Variants in STK32C observed in about 807,000 individuals in gnomAD.
STK32C encodes the protein serine/threonine kinase 32C.
A neutral mutation model predicts 56.5 loss-of-function variants in STK32C; 31 were observed. The observed-to-expected ratio is 0.55, with a 90% confidence interval of 0.41 to 0.74. STK32C has a LOEUF of 0.74. Among genes scored for constraint, STK32C ranks in the 30% least tolerant of loss-of-function variants. STK32C has a pLI of 0.00. For synonymous variants in STK32C, 309 were observed against 289.4 expected (o/e 1.07, Z -0.69); for missense variants, 544 against 676.9 (o/e 0.80, Z 2.18).
chr10:132,284,289 TGGG>T (rs1169142822), intron 1 of STK32C, among the ~76,000 whole-genome samples: 1 of 68,628 alleles, frequency 1.5e-5, no homozygotes, highest in Non-Finnish European at 2.8e-5. Context: ...CAGGTGAGGT[TGGG>T]GGGGGCAGGT....
chr10:132,249,929 T>C (rs779636861), intron 1 of STK32C, among the ~76,000 whole-genome samples: 5 of 152,216 alleles, frequency 3.3e-5, no homozygotes, highest in Non-Finnish European at 5.9e-5. Context: ...AGGTGAGCTC[T>C]CATTCCAGCA....
intron 1 of STK32C, chr10:132,331,379 G>C: frequency 1.3e-6 from 2 of 1,532,808 alleles, no homozygotes; most frequent in Non-Finnish European, 1.8e-6. Context: ...CTCCCCTCCC[G>C]CCCGGTGTCA....
chr10:132,327,250 T>C (rs1051631984), intron 1 of STK32C, among the ~76,000 whole-genome samples: 10 of 152,178 alleles, frequency 6.6e-5, no homozygotes, highest in African/African-American at 2.2e-4. Context: ...TGCACAAGCT[T>C]TCTCTCCTTT....
intron 1 of STK32C, among the ~76,000 whole-genome samples, chr10:132,269,401 C>A (rs1292382934): frequency 6.6e-6 from 1 of 152,182 alleles, no homozygotes; most frequent in Non-Finnish European, 1.5e-5. Flanking sequence ...AGCCTGGATT[C>A]CACTGGCCGC....
At chr10:132,293,263 C>T (rs1033394492) in intron 1 of STK32C, among the ~76,000 whole-genome samples, 17 of 152,232 alleles carry the variant, frequency 1.1e-4, no homozygotes, top group African/African-American at 3.9e-4. Flanking sequence ...AGGCCTGGCG[C>T]CTGGCGGGCT....
chr10:132,302,742 C>G (rs1355492593), intron 1 of STK32C, among the ~76,000 whole-genome samples: 2 of 152,344 alleles, frequency 1.3e-5, no homozygotes, highest in East Asian at 1.9e-4. Context: ...TAGGGCTAAG[C>G]TGACGCTCTG....
At chr10:132,236,290 G>C (rs374907702) in intron 2 of STK32C, among the ~76,000 whole-genome samples, 45 of 152,232 alleles carry the variant, frequency 3.0e-4, no homozygotes, top group African/African-American at 1.1e-3. Context: ...GCGGAGGCCC[G>C]ACTGCCCCGG....
At chr10:132,236,358 G>A (rs1486677851) in intron 2 of STK32C, among the ~76,000 whole-genome samples, 1 of 152,256 alleles carries the variant, frequency 6.6e-6, no homozygotes, top group Non-Finnish European at 1.5e-5. Context: ...GAGGTTCGCA[G>A]AAGGGGGTGA....
At chr10:132,305,819 G>A (rs141050532) in intron 1 of STK32C, among the ~76,000 whole-genome samples, 1 of 152,344 alleles carries the variant, frequency 6.6e-6, no homozygotes, top group East Asian at 1.9e-4. Flanking sequence ...ATTCGGGCCA[G>A]GGCCTAGTCT....
intron 1 of STK32C, among the ~76,000 whole-genome samples, chr10:132,275,127 G>A (rs1178070749): frequency 6.6e-6 from 1 of 152,180 alleles, no homozygotes; most frequent in Non-Finnish European, 1.5e-5. Flanking sequence ...ACTGTCCCTG[G>A]TGCTGCCATC....
At chr10:132,209,527 C>T (rs1301843679) in intron 10 of STK32C, among the ~76,000 whole-genome samples, 1 of 152,252 alleles carries the variant, frequency 6.6e-6, no homozygotes, top group Non-Finnish European at 1.5e-5. Context: ...ATCCTGGAAC[C>T]AGGGCTGTCT....
intron 10 of STK32C, 94 bp from the exon 11 acceptor site, chr10:132,209,195 T>C: frequency 1.7e-6 from 2 of 1,199,134 alleles, no homozygotes. Context: ...CCATCGGGCC[T>C]CCACCTGTGG....
chr10:132,299,825 G>A (rs1229920455), intron 1 of STK32C, among the ~76,000 whole-genome samples: 1 of 152,240 alleles, frequency 6.6e-6, no homozygotes, highest in Non-Finnish European at 1.5e-5. Flanking sequence ...CCAGGACCCC[G>A]AGCCCTGTTA....
At chr10:132,281,889 G>A (rs2065219618) in intron 1 of STK32C, among the ~76,000 whole-genome samples, 2 of 147,124 alleles carry the variant, frequency 1.4e-5, no homozygotes, top group Admixed American at 1.3e-4. Context: ...AGCCCAACCA[G>A]GATGGTGGGG....
At chr10:132,273,379 T>C (rs1028742632) in intron 1 of STK32C, among the ~76,000 whole-genome samples, 1 of 152,200 alleles carries the variant, frequency 6.6e-6, no homozygotes, top group Non-Finnish European at 1.5e-5. Flanking sequence ...ATCACTGCAG[T>C]ACCTCCTCCA....
At chr10:132,220,254 C>T (rs904000728) in intron 10 of STK32C, among the ~76,000 whole-genome samples, 3 of 152,202 alleles carry the variant, frequency 2.0e-5, no homozygotes, top group African/African-American at 4.8e-5. Context: ...CACGCGGCAG[C>T]GAAGCAGGGG....
At chr10:132,217,300 C>T (rs1230384038) in intron 10 of STK32C, among the ~76,000 whole-genome samples, 1 of 152,200 alleles carries the variant, frequency 6.6e-6, no homozygotes. Context: ...TGCATGGGGC[C>T]TGTAGCCCCT....
intron 1 of STK32C, among the ~76,000 whole-genome samples, chr10:132,259,833 C>T (rs2064246558): frequency 6.6e-6 from 1 of 152,236 alleles, no homozygotes; most frequent in East Asian, 1.9e-4. Context: ...CCCTGTGACA[C>T]TCGCTACACA....
chr10:132,242,199 C>T (rs750855380), intron 2 of STK32C, among the ~76,000 whole-genome samples: 2 of 151,802 alleles, frequency 1.3e-5, no homozygotes, highest in Non-Finnish European at 2.9e-5. Context: ...TGGGTGCAGA[C>T]GGCCTTCAAG....
Sources: allele counts gnomAD v4.1 joint callset (sites outside exome capture counted in the v4.1 genomes callset), GRCh38; gene constraint gnomAD v4.1.1; transcripts MANE v1.5; gene names NCBI Gene and HGNC (gene_info 2026-07-23, HGNC 2026-07-21).